The following WAPL variants were observed in gnomAD, a reference collection of about 807,000 sequenced individuals.
WAPL encodes wings apart-like protein homolog.
A neutral mutation model predicts 121.0 loss-of-function variants in WAPL; 5 were observed. That is an observed-to-expected ratio of 0.04 (90% CI 0.02 to 0.09). The LOEUF is 0.09. Ranked by LOEUF, WAPL falls within the 10% of genes least tolerant of loss-of-function variation. The pLI is 1.00. For missense variants in WAPL, 999 were observed against 1,410.8 expected (o/e 0.71, Z 4.68); for synonymous variants, 480 against 481.5 (o/e 1.00, Z 0.04).
Position 86,443,472 on chromosome 10 carries a change from A to G in WAPL, c.3323-109T>C, listed in dbSNP as rs149334383. 1.0e-3 allele frequency: 861 copies of G among 821,992 alleles called. 1 individual carries two copies. Among genetic ancestry groups the G allele is most frequent in the Non-Finnish European group, 1.3e-3 (667 of 519,284 alleles). 50.9% of individuals were successfully genotyped at this position (821,992 alleles called of 1,614,324 possible). ...ACTTTAAAACTGCTACAAATCAACG[A>G]ATGATGCTAGGACAACTGGATATCC... is the stretch of plus-strand genomic sequence containing the variant. On this transcript the variant is annotated intron_variant, in intron 16 of 18. Coordinates refer to ENST00000298767, the MANE Select transcript of WAPL (RefSeq NM_015045.5).
intron 9 of WAPL, among the ~76,000 whole-genome samples, chr10:86,463,863 C>A (rs972373773): frequency 6.6e-6 from 1 of 152,164 alleles, no homozygotes; most frequent in African/African-American, 2.4e-5. Context: ...GTTCCAACTG[C>A]CTTCAGTGCT....
chr10:86,455,108 G>T lies in WAPL; in HGVS notation c.2658-1277C>A, dbSNP rs1266463478. 1.1e-4 allele frequency among the ~76,000 whole-genome samples: 15 copies of T among 141,120 alleles called. No homozygotes were observed. The East Asian group carries it at 3.0e-3, about 28-fold the overall frequency. The allele number at this position is 141,120 out of a possible 152,430, so 92.6% of individuals were successfully genotyped here. On this transcript the variant is annotated intron_variant, in intron 12 of 18. Transcript: ENST00000298767. ...CCGGCAGCCGCCCCGTCCAGGAGGT[G>T]GGGGGGTGCCTCTGCCCGGCCACCC...
At chr10:86,463,217 G>C (rs368231580) in intron 9 of WAPL, among the ~76,000 whole-genome samples, 145 of 152,372 alleles carry the variant, frequency 9.5e-4, no homozygotes, top group African/African-American at 3.2e-3. Context: ...CTTGAACCCA[G>C]AAAGTGGAGG....
At position 86,443,258 on chromosome 10, in the gene WAPL, C is replaced by A; in HGVS notation, c.3411+17G>T. 1 of 1,580,902 alleles carries A rather than the reference C, an allele frequency of 6.3e-7. No homozygotes were observed. The highest frequency in any genetic ancestry group is 8.7e-7 in the Non-Finnish European group (1 of 1,150,642). Reference sequence around the variant, plus strand: ...TCTTTCAAAGATACATAAAACATCACTGAACTATGTACTTACTGGACTTTC... The same window carrying A: ...TCTTTCAAAGATACATAAAACATCAATGAACTATGTACTTACTGGACTTTC... On this transcript the variant is annotated intron_variant, in intron 17 of 18. Coordinates refer to ENST00000298767, the MANE Select transcript of WAPL (RefSeq NM_015045.5).
intron 2 of WAPL, among the ~76,000 whole-genome samples, chr10:86,512,378 C>G (rs1462562757): frequency 1.3e-5 from 2 of 152,188 alleles, no homozygotes; most frequent in Non-Finnish European, 2.9e-5. Flanking sequence ...AGACTGAATC[C>G]CAGCTGGCTG....
chr10:86,505,881 G>A (rs1842340248), intron 2 of WAPL, among the ~76,000 whole-genome samples: 1 of 152,002 alleles, frequency 6.6e-6, no homozygotes, highest in Admixed American at 6.6e-5. Context: ...GCATAATGGG[G>A]ACTTGTAAGA....
At position 86,452,381 on chromosome 10, in the gene WAPL, C is replaced by T. The variant is rs149653877; in HGVS notation, c.2950-250G>A. On this transcript the variant is annotated intron_variant, in intron 14 of 18. Coordinates refer to ENST00000298767, the MANE Select transcript of WAPL (RefSeq NM_015045.5). ...CCAAGGTAGGTGGATCACTTGAGGC[C>T]AGGAGCTCGAGACCAACCTGACAAA... 1.1e-3 allele frequency among the ~76,000 whole-genome samples: 163 copies of T among 152,224 alleles called. 1 individual carries two copies. Among genetic ancestry groups the T allele is most frequent in the African/African-American group, 3.7e-3 (155 of 41,538 alleles).
intron 2 of WAPL, among the ~76,000 whole-genome samples, chr10:86,502,664 A>T (rs982924666): frequency 3.9e-5 from 6 of 152,262 alleles, no homozygotes; most frequent in African/African-American, 7.2e-5. Context: ...AAATATATAC[A>T]GACTTCCTTT....
chr10:86,461,067 A>AT lies in WAPL; in HGVS notation c.2482+108dup. 3.4e-6 allele frequency: 3 copies of AT among 893,804 alleles called. No homozygotes were observed. In the South Asian group the frequency reaches 5.6e-5, roughly 17 times the overall value. 55.4% of individuals were successfully genotyped at this position (893,804 alleles called of 1,614,324 possible). ...AGGATGCAACTAAAAAATAATAATG[A>AT]TAATAGACATTTCCAAACTGATACA... On this transcript the variant is annotated intron_variant, in intron 10 of 18. Coordinates refer to ENST00000298767, the MANE Select transcript of WAPL (RefSeq NM_015045.5).
chr10:86,521,015 G>A (rs866588749), intron 1 of WAPL, among the ~76,000 whole-genome samples: 1 of 152,004 alleles, frequency 6.6e-6, no homozygotes, highest in Non-Finnish European at 1.5e-5. Flanking sequence ...GCCCAGGAAA[G>A]GGAGGTCACT....
At chr10:86,504,995 CAGCATTCAAGTTTGATTAT>C (rs1420974863) in intron 2 of WAPL, among the ~76,000 whole-genome samples, 8 of 151,742 alleles carry the variant, frequency 5.3e-5, no homozygotes, top group East Asian at 1.9e-4. Flanking sequence ...TTAATATATA[CAGCATTCAAGTTTGATTAT>C]AGCATTCAAG....
chr10:86,490,393 A>C (rs1363777735), intron 4 of WAPL, among the ~76,000 whole-genome samples: 1 of 152,196 alleles, frequency 6.6e-6, no homozygotes, highest in African/African-American at 2.4e-5. Flanking sequence ...CCATGACCTG[A>C]TTTACTTTAG....
chr10:86,444,169 C>T (rs753172447), intron 16 of WAPL: 2 of 152,222 alleles, frequency 1.3e-5, no homozygotes, highest in African/African-American at 2.4e-5. Context: ...AATGAGATAT[C>T]ATGTCACGCC....
Position 86,503,374 on chromosome 10 carries a change from A to G in WAPL, c.500-2631T>C, listed in dbSNP as rs529714284. 3.9e-5 allele frequency among the ~76,000 whole-genome samples: 6 copies of G among 152,338 alleles called. No individual in the cohort carries two copies. In the South Asian group the frequency reaches 1.2e-3, roughly 32 times the overall value. ...CCCATGAAATACAGTTGAGGCAACT[A>G]GAAAGGTTTAATTGGTGCAGGGATG... On this transcript the variant is annotated intron_variant, in intron 2 of 18. Coordinates refer to ENST00000298767, the MANE Select transcript of WAPL (RefSeq NM_015045.5).
At chr10:86,476,237 C>T in intron 4 of WAPL, among the ~76,000 whole-genome samples, 1 of 151,736 alleles carries the variant, frequency 6.6e-6, no homozygotes, top group Non-Finnish European at 1.5e-5. Context: ...CGGTGGTGGG[C>T]ACCTGCAGTC....
At chr10:86,464,730 A>G (rs1357261997) in intron 9 of WAPL, among the ~76,000 whole-genome samples, 1 of 152,198 alleles carries the variant, frequency 6.6e-6, no homozygotes, top group Admixed American at 6.6e-5. Flanking sequence ...CAGCTATTCA[A>G]GAGGCTGATG....
chr10:86,500,116 G>T lies in WAPL; in HGVS notation c.1127C>A (p.Thr376Asn), dbSNP rs763211948. ...LSVCNVTIQD[T>N]MERSMDEFTA... Reference sequence around the variant, plus strand: ...GAACTCATCCATGCTGCGTTCCATAGTATCCTGTATGGTAACATTACAAAC... The same window carrying T: ...GAACTCATCCATGCTGCGTTCCATATTATCCTGTATGGTAACATTACAAAC... The change falls in exon 3 of 19, where the codon ACT (threonine) becomes AAT (asparagine). Residue 376 changes from threonine to asparagine, a missense_variant. Thr to Asn is a moderately conservative substitution (Grantham distance 65). This residue lies in a region of WAPL where 531 missense variants were observed against 563.1 expected (regional missense o/e 0.94). Transcript: ENST00000298767. The T allele has an allele frequency of 6.2e-7, 1 of 1,614,118 alleles. No homozygotes were observed. Among genetic ancestry groups the T allele is most frequent in the Non-Finnish European group, 8.5e-7 (1 of 1,180,032 alleles).
intron 12 of WAPL, among the ~76,000 whole-genome samples, chr10:86,454,396 CCTCTCT>C (rs1314779236): frequency 2.0e-5 from 3 of 152,156 alleles, no homozygotes; most frequent in Admixed American, 6.5e-5. Flanking sequence ...TCTCCCTCTC[CCTCTCT>C]CTCCACGGTC....
chr10:86,470,885 A>G (rs990467819), intron 8 of WAPL, 107 bp downstream of exon 8: 2 of 847,834 alleles, frequency 2.4e-6, no homozygotes, highest in South Asian at 5.2e-5. Flanking sequence ...AACTCAATCT[A>G]TAATTAGGAT....
Sources: gnomAD v4.1 joint callset for allele counts (sites outside exome capture counted in the v4.1 genomes callset) on GRCh38, gnomAD v4.1.1 for gene constraint, gnomAD v4.1.1 regional missense constraint, MANE v1.5 for transcripts, NCBI Gene and HGNC (gene_info 2026-07-23, HGNC 2026-07-21) for gene names.